FBXL17: variants seen among roughly 807,000 people sequenced by gnomAD.
FBXL17 encodes F-box and leucine rich repeat protein 17.
FBXL17 carries 22 observed loss-of-function variants against 66.2 expected under a neutral mutation model. The ratio of observed to expected loss-of-function variants is 0.33; its 90% CI spans 0.24 to 0.47. The LOEUF (loss-of-function observed/expected upper bound fraction) is 0.47, where lower values mean the gene tolerates loss of function less well. FBXL17 is among the 20% of genes least tolerant of loss of function. FBXL17 has a pLI of 1.00. For missense variants in FBXL17, 878 were observed against 948.2 expected, an observed-to-expected ratio of 0.93 and a Z score of 0.97; for synonymous variants, 474 against 400.5, an observed-to-expected ratio of 1.18 and a Z score of -2.19.
chr5:107,892,967 C>T (rs975505763), intron 7 of FBXL17, among the ~76,000 whole-genome samples: 5 of 152,148 alleles, frequency 3.3e-5, no homozygotes, highest in African/African-American at 1.2e-4. Flanking sequence ...TCGATATTCT[C>T]TATTATCTTC....
chr5:108,194,283 G>A (rs181013421), intron 5 of FBXL17, among the ~76,000 whole-genome samples: 2 of 152,152 alleles, frequency 1.3e-5, no homozygotes, highest in Admixed American at 1.3e-4. Flanking sequence ...TGATAACTTA[G>A]AAGTATCTGT....
At chr5:108,253,050 C>T (rs1045793505) in intron 4 of FBXL17, among the ~76,000 whole-genome samples, 2 of 152,120 alleles carry the variant, frequency 1.3e-5, no homozygotes, top group Admixed American at 6.5e-5. Context: ...AAAGCACCCT[C>T]AGCAAGTTAA....
Position 107,917,049 on chromosome 5 carries a change from G to T in FBXL17, c.1823-35870C>A, listed in dbSNP as rs180730110. ...TATCCCTTCATAAAGACTTTTCAAA[G>T]AAACTAGTAAAAGTTCACTTTGTAA... is the stretch of plus-strand genomic sequence containing the variant. On this transcript the variant is annotated intron_variant, in intron 7 of 8. Transcript: ENST00000542267. Among the ~76,000 whole-genome samples, 762 of 152,214 alleles carry T rather than the reference G, an allele frequency of 5.0e-3. 8 individuals carry two copies. The highest frequency in any genetic ancestry group is 0.017 in the African/African-American group (703 of 41,550).
intron 7 of FBXL17, among the ~76,000 whole-genome samples, chr5:107,948,588 T>C (rs974276218): frequency 3.9e-5 from 6 of 152,222 alleles, no homozygotes; most frequent in African/African-American, 1.2e-4. Context: ...AGAGCTGTCT[T>C]TTCAAATCCA....
In FBXL17 at chr5:107,875,104, T is replaced by C. The variant is rs1183088863; in HGVS notation, c.1965+5933A>G. ...TTTCTTTTCTTTCTTTCTCTCTCTCTCTCTTTTTTTTTTTTTACTTTATTT... is the reference window on the plus strand; with the variant it reads ...TTTCTTTTCTTTCTTTCTCTCTCTCCCTCTTTTTTTTTTTTTACTTTATTT... On this transcript the variant is annotated intron_variant, in intron 8 of 8. Transcript: ENST00000542267. Among the ~76,000 whole-genome samples the C allele has an allele frequency of 2.1e-5, 3 of 142,986 alleles. No individual in the cohort carries two copies. The South Asian group carries it at 6.4e-4, about 31-fold the overall frequency. 93.8% of individuals were successfully genotyped at this position (142,986 alleles called of 152,430 possible).
At chr5:107,979,945 T>C (rs1752743133) in intron 7 of FBXL17, among the ~76,000 whole-genome samples, 1 of 152,186 alleles carries the variant, frequency 6.6e-6, no homozygotes, top group Non-Finnish European at 1.5e-5. Context: ...CAATAATGGT[T>C]TCTAAATATA....
At chr5:108,134,439 C>A (rs766966803) in intron 6 of FBXL17, among the ~76,000 whole-genome samples, 11 of 152,038 alleles carry the variant, frequency 7.2e-5, no homozygotes, top group Non-Finnish European at 1.5e-4. Context: ...GTATTTCTAA[C>A]CATAAGTTTT....
intron 7 of FBXL17, among the ~76,000 whole-genome samples, chr5:108,006,972 C>G (rs1040982613): frequency 6.6e-6 from 1 of 152,060 alleles, no homozygotes. Flanking sequence ...ACATCAGGAG[C>G]GTTCTTAAAA....
chr5:107,874,846 C>T (rs891057969), intron 8 of FBXL17, among the ~76,000 whole-genome samples: 1 of 152,188 alleles, frequency 6.6e-6, no homozygotes, highest in Non-Finnish European at 1.5e-5. Context: ...TTTTAAAGTG[C>T]TCCTATGTGA....
chr5:108,211,686 G>A (rs1169437991), intron 5 of FBXL17, among the ~76,000 whole-genome samples: 2 of 152,206 alleles, frequency 1.3e-5, no homozygotes, highest in African/African-American at 4.8e-5. Flanking sequence ...GATTTCTACA[G>A]AAAGATCCCC....
intron 4 of FBXL17, among the ~76,000 whole-genome samples, chr5:108,224,678 G>T (rs970513532): frequency 6.6e-6 from 1 of 151,988 alleles, no homozygotes; most frequent in Admixed American, 6.6e-5. Flanking sequence ...TGCAACCTCC[G>T]CCTCCCAGGT....
intron 4 of FBXL17, chr5:108,299,833 A>C (rs1413776335): frequency 1.0e-6 from 1 of 985,088 alleles, no homozygotes; most frequent in East Asian, 1.1e-4. Flanking sequence ...ATGTCAGTCG[A>C]GAATCTGAAA....
intron 6 of FBXL17, among the ~76,000 whole-genome samples, chr5:108,105,249 A>C (rs1749753039): frequency 5.3e-5 from 8 of 152,208 alleles, no homozygotes; most frequent in Admixed American, 5.2e-4. Context: ...AGAAGGCGCA[A>C]CTGAAGTGGA....
rs1225985363 is a variant in FBXL17 at position 107,860,946 on chromosome 5, A to C, written c.*774T>G. ...GACCAGTTACTATCCAGGAAATAAAAGCTAACACAATGTTAACATAAAACC... is the reference window on the plus strand; with the variant it reads ...GACCAGTTACTATCCAGGAAATAAACGCTAACACAATGTTAACATAAAACC... On this transcript the variant is annotated 3_prime_UTR_variant, in exon 9 of 9. Coordinates refer to ENST00000542267, the MANE Select transcript of FBXL17 (RefSeq NM_001163315.3). 1.3e-5 allele frequency: 2 copies of C among 152,266 alleles called. No individual in the cohort carries two copies. Among genetic ancestry groups the C allele is most frequent in the African/African-American group, 4.8e-5 (2 of 41,472 alleles). The allele number at this position is 152,266 out of a possible 1,614,324, so 9.4% of individuals were successfully genotyped here.
intron 4 of FBXL17, among the ~76,000 whole-genome samples, chr5:108,308,038 T>A (rs1450427672): frequency 1.3e-5 from 2 of 152,110 alleles, no homozygotes; most frequent in Non-Finnish European, 2.9e-5. Flanking sequence ...CCTCACAGAT[T>A]CAGGTTCTTG....
At chr5:108,129,079 A>T (rs1422547635) in intron 6 of FBXL17, among the ~76,000 whole-genome samples, 2 of 152,188 alleles carry the variant, frequency 1.3e-5, no homozygotes, top group African/African-American at 4.8e-5. Context: ...TTAAAAACTC[A>T]TTCAACAGTC....
chr5:108,194,482 G>A (rs758737572), intron 5 of FBXL17, among the ~76,000 whole-genome samples: 27 of 152,214 alleles, frequency 1.8e-4, no homozygotes, highest in African/African-American at 2.6e-4. Flanking sequence ...GGCAACAGCC[G>A]CCAAGGAACC....
At chr5:108,308,384 A>C (rs1244424142) in intron 4 of FBXL17, among the ~76,000 whole-genome samples, 2 of 152,154 alleles carry the variant, frequency 1.3e-5, no homozygotes, top group African/African-American at 4.8e-5. Flanking sequence ...ATAGATTAGT[A>C]AAACTGAGGT....
At chr5:107,913,062 A>G (rs1750004637) in intron 7 of FBXL17, among the ~76,000 whole-genome samples, 1 of 152,030 alleles carries the variant, frequency 6.6e-6, no homozygotes, top group Admixed American at 6.6e-5. Context: ...ATCATATTTT[A>G]TTTATTTTTT....
Sources: allele counts gnomAD v4.1 joint callset (sites outside exome capture counted in the v4.1 genomes callset), GRCh38; gene constraint gnomAD v4.1.1; transcripts MANE v1.5; gene names NCBI Gene and HGNC (gene_info 2026-07-23, HGNC 2026-07-21).